PKD2: variants seen among roughly 807,000 people sequenced by gnomAD.
The protein encoded by PKD2 is polycystin 2, transient receptor potential cation channel.
PKD2 carries 48 observed loss-of-function variants against 105.9 expected under a neutral mutation model. The observed-to-expected ratio is 0.45, with a 90% CI of 0.36 to 0.58. PKD2 has a LOEUF of 0.58. Among genes scored for constraint, PKD2 ranks in the 20% least tolerant of loss-of-function variants. The probability of loss-of-function intolerance (pLI) is 0.00; values close to 1 mark genes in which losing one functional copy is unlikely to be tolerated. For synonymous variants in PKD2, 464 were observed against 481.1 expected, an observed-to-expected ratio of 0.96 and a Z score of 0.46; for missense variants, 1,078 against 1,255.3, an observed-to-expected ratio of 0.86 and a Z score of 2.13.
chr4:88,069,295 A>G (rs1720923127), intron 13 of PKD2, among the ~76,000 whole-genome samples: 1 of 152,094 alleles, frequency 6.6e-6, no homozygotes, highest in Admixed American at 6.5e-5. Flanking sequence ...ATTTAATGTT[A>G]TCATTGATGT....
chr4:88,073,613 T>C lies in PKD2; in HGVS notation c.2523-1199T>C, dbSNP rs534327141. On this transcript the variant is annotated intron_variant, in intron 13 of 14. Coordinates refer to ENST00000237596, the MANE Select transcript of PKD2 (RefSeq NM_000297.4). ...AGATACTGTAGCCCTAGACTGGAAG[T>C]TGGGGGAGGAGGGAGCCCTGTGCTC... Among the ~76,000 whole-genome samples, 352 of 151,790 alleles carry C rather than the reference T, an allele frequency of 2.3e-3. 1 individual carries two copies. The highest frequency in any genetic ancestry group is 3.6e-3 in the Admixed American group (55 of 15,246).
At chr4:88,015,732 T>C (rs1451206008) in intron 1 of PKD2, among the ~76,000 whole-genome samples, 1 of 152,206 alleles carries the variant, frequency 6.6e-6, no homozygotes, top group Non-Finnish European at 1.5e-5. Flanking sequence ...AATAAAAAGT[T>C]TTTGAAAGGA....
At chr4:88,034,100 C>T (rs1002463278) in intron 2 of PKD2, among the ~76,000 whole-genome samples, 14 of 152,122 alleles carry the variant, frequency 9.2e-5, no homozygotes, top group Admixed American at 9.2e-4. Flanking sequence ...CTTAACTCTG[C>T]CCCAAGACAG....
At chr4:88,070,613 G>T (rs148586646) in intron 13 of PKD2, among the ~76,000 whole-genome samples, 11 of 145,236 alleles carry the variant, frequency 7.6e-5, no homozygotes, top group Non-Finnish European at 1.7e-4. Context: ...GAGAGAGAGA[G>T]AGAGAGAGAG....
At position 88,075,524 on chromosome 4, in the gene PKD2, T is replaced by A; in HGVS notation, c.2737T>A (p.Leu913Met). 1 of 1,613,930 alleles carries A rather than the reference T, an allele frequency of 6.2e-7. No individual in the cohort carries two copies. The highest frequency in any genetic ancestry group is 1.3e-5 in the African/African-American group (1 of 74,902). The change falls in exon 15 of 15, where the codon TTG becomes ATG. Residue 913 changes from leucine (L) to methionine (M), a missense_variant. Physicochemically the swap from Leu to Met is conservative, Grantham distance 15. Transcript: ENST00000237596. ...EQMERLVREELERWESDDAAS... is the reference protein window; with the variant it reads ...EQMERLVREEMERWESDDAAS... The stretch of plus-strand genomic sequence containing the variant: ...GATGGAACGGCTAGTACGTGAAGAG[T>A]TGGAACGCTGGGAATCCGATGATGC...
intron 2 of PKD2, among the ~76,000 whole-genome samples, chr4:88,028,723 C>A (rs1578124375): frequency 6.6e-6 from 1 of 152,218 alleles, no homozygotes; most frequent in South Asian, 2.1e-4. Context: ...AACTGCCTAT[C>A]ACTAGCCTAG....
chr4:88,050,075 C>T (rs576354588), intron 6 of PKD2, among the ~76,000 whole-genome samples: 6 of 150,290 alleles, frequency 4.0e-5, no homozygotes, highest in African/African-American at 1.2e-4. Context: ...CCCGGGTTCA[C>T]GCCATTCTCC....
chr4:88,026,657 A>G (rs1293932793), intron 2 of PKD2, among the ~76,000 whole-genome samples: 1 of 152,216 alleles, frequency 6.6e-6, no homozygotes, highest in Non-Finnish European at 1.5e-5. Flanking sequence ...TGCCAAGACA[A>G]TGGGGTAAAT....
chr4:88,008,474 C>A, intron 1 of PKD2, 146 bp downstream of exon 1: 1 of 1,060,386 alleles, frequency 9.4e-7, no homozygotes, highest in Non-Finnish European at 1.3e-6. Context: ...TCCCCACCTC[C>A]GCTAGTGCTG....
intron 2 of PKD2, 145 bp from the exon 3 acceptor site, chr4:88,036,075 G>T (rs1217656248): frequency 1.1e-5 from 13 of 1,191,434 alleles, no homozygotes; most frequent in African/African-American, 1.5e-5. Flanking sequence ...AATGATAGGG[G>T]AAAGGAAGGC....
At chr4:88,074,160 A>C (rs934406862) in intron 13 of PKD2, among the ~76,000 whole-genome samples, 5 of 151,918 alleles carry the variant, frequency 3.3e-5, no homozygotes, top group Non-Finnish European at 7.4e-5. Flanking sequence ...TTTGTTTTTG[A>C]GACTGGGTCT....
chr4:88,069,370 C>T (rs1416485665), intron 13 of PKD2, among the ~76,000 whole-genome samples: 1 of 151,782 alleles, frequency 6.6e-6, no homozygotes, highest in African/African-American at 2.4e-5. Flanking sequence ...TCCTCTTTCA[C>T]TGCTTTCTTG....
chr4:88,059,383 C>G (rs1368127540), intron 9 of PKD2, among the ~76,000 whole-genome samples: 3 of 152,172 alleles, frequency 2.0e-5, no homozygotes, highest in African/African-American at 7.2e-5. Flanking sequence ...ACTTCGGATT[C>G]TAGAGTACCT....
At chr4:88,053,236 A>G (rs2110123544) in intron 7 of PKD2, among the ~76,000 whole-genome samples, 1 of 152,330 alleles carries the variant, frequency 6.6e-6, no homozygotes, top group South Asian at 2.1e-4. Context: ...ACTGTCTAGG[A>G]CAGTGGAAAT....
intron 8 of PKD2, 49 bp from the exon 9 acceptor site, chr4:88,057,934 G>T (rs773188646): frequency 2.1e-6 from 3 of 1,422,694 alleles, no homozygotes; most frequent in Non-Finnish European, 3.0e-6. Flanking sequence ...GCATCAACTA[G>T]TGGACATTCT....
intron 6 of PKD2, among the ~76,000 whole-genome samples, chr4:88,047,152 G>C (rs1305538377): frequency 5.4e-5 from 8 of 149,386 alleles, no homozygotes; most frequent in Non-Finnish European, 8.8e-5. Context: ...GAGATGTGGA[G>C]GAGAAAACAG....
At chr4:88,032,496 T>C (rs1271509663) in intron 2 of PKD2, among the ~76,000 whole-genome samples, 2 of 152,244 alleles carry the variant, frequency 1.3e-5, no homozygotes, top group East Asian at 1.9e-4. Flanking sequence ...TTTGTTCTAG[T>C]TTATTTTATG....
At chr4:88,029,507 GA>G (rs1727071118) in intron 2 of PKD2, among the ~76,000 whole-genome samples, 2 of 151,948 alleles carry the variant, frequency 1.3e-5, no homozygotes, top group Non-Finnish European at 2.9e-5. Context: ...TAGTTCACCT[GA>G]ACACTTGGGT....
In PKD2 at chr4:88,038,394, A is replaced by T. The variant is rs1363107982; in HGVS notation, c.987A>T (p.Gly329=). ...PRIRQLRVRN[G]SCSIPQDLRD... is the part of the protein sequence containing the mutation. ...TACGGCAACTCCGAGTCAGAAATGGATCCTGCTCTATCCCCCAGGACTTGA... is the reference window on the plus strand; with the variant it reads ...TACGGCAACTCCGAGTCAGAAATGGTTCCTGCTCTATCCCCCAGGACTTGA... The change falls in exon 4 of 15, where the codon GGA becomes GGT. Residue 329 remains glycine (G), a synonymous_variant. Coordinates refer to ENST00000237596, the MANE Select transcript of PKD2 (RefSeq NM_000297.4). The T allele has an allele frequency of 6.2e-7, 1 of 1,613,750 alleles. No homozygotes were observed. The highest frequency in any genetic ancestry group is 8.5e-7 in the Non-Finnish European group (1 of 1,179,694).
Sources: gnomAD v4.1 joint callset for allele counts (sites outside exome capture counted in the v4.1 genomes callset) on GRCh38, gnomAD v4.1.1 for gene constraint, MANE v1.5 for transcripts, NCBI Gene and HGNC (gene_info 2026-07-23, HGNC 2026-07-21) for gene names.